Variants in IFT88 observed in about 807,000 individuals in gnomAD.
The protein encoded by IFT88 is intraflagellar transport 88.
A neutral mutation model predicts 119.5 loss-of-function variants in IFT88; 74 were observed. The ratio of observed to expected loss-of-function variants is 0.62; its 90% confidence interval spans 0.51 to 0.75. The LOEUF (loss-of-function observed/expected upper bound fraction) is 0.75, where lower values mean the gene tolerates loss of function less well. Among genes scored for constraint, IFT88 ranks in the 30% least tolerant of loss-of-function variants. The pLI is 0.00. For missense variants in IFT88, 961 were observed against 977.7 expected (o/e 0.98, Z 0.23); for synonymous variants, 279 against 316.7 (o/e 0.88, Z 1.26).
intron 18 of IFT88, chr13:20,642,474 GGC>G: frequency 6.6e-6 from 1 of 152,122 alleles, no homozygotes; most frequent in Non-Finnish European, 1.5e-5. Context: ...TGTTGTGGCA[GGC>G]ACCTGTAATC....
chr13:20,670,942 T>C lies in IFT88; in HGVS notation c.2176-31T>C, dbSNP rs751755172. On this transcript the variant is annotated intron_variant, in intron 23 of 25. Transcript: ENST00000351808. ...TTCAACTTTGAAGGAATAGCACTTA[T>C]TCTTTTAAACTTGTCTTCTCTTTGC... is the stretch of plus-strand genomic sequence containing the variant. 5.0e-6 allele frequency: 8 copies of C among 1,597,984 alleles called. No individual in the cohort carries two copies. The Admixed American group carries it at 5.1e-5, about 10-fold the overall frequency.
At chr13:20,675,626 G>A (rs1594857505) in intron 24 of IFT88, among the ~76,000 whole-genome samples, 2 of 152,144 alleles carry the variant, frequency 1.3e-5, no homozygotes, top group South Asian at 4.1e-4. Flanking sequence ...AATAGTTTAG[G>A]CTTGCAGGCC....
chr13:20,640,278 T>A (rs1409901083), intron 17 of IFT88, among the ~76,000 whole-genome samples: 1 of 151,724 alleles, frequency 6.6e-6, no homozygotes. Flanking sequence ...AATCTACATT[T>A]AAAAAAATTA....
At chr13:20,571,268 A>G (rs960021587) in intron 1 of IFT88, among the ~76,000 whole-genome samples, 2 of 152,234 alleles carry the variant, frequency 1.3e-5, no homozygotes, top group Admixed American at 6.5e-5. Context: ...TGCTGGGATT[A>G]TAGGCGTGAG....
chr13:20,619,480 G>A (rs934079530), intron 14 of IFT88, among the ~76,000 whole-genome samples: 4 of 152,124 alleles, frequency 2.6e-5, no homozygotes, highest in East Asian at 3.9e-4. Context: ...GAATCATACC[G>A]TACATATTCT....
chr13:20,567,325 T>G (rs1260156311), intron 1 of IFT88, 69 bp downstream of exon 1: 2 of 152,390 alleles, frequency 1.3e-5, no homozygotes, highest in East Asian at 3.9e-4. Context: ...GCGTCCTGTG[T>G]GGCGCATCCC....
At chr13:20,611,644 G>T (rs2044559247) in intron 13 of IFT88, among the ~76,000 whole-genome samples, 2 of 151,296 alleles carry the variant, frequency 1.3e-5, no homozygotes, top group Non-Finnish European at 2.9e-5. Flanking sequence ...TTGCTCTGTT[G>T]CCCAGGCTGG....
At chr13:20,639,833 G>C (rs1343638005) in intron 17 of IFT88, among the ~76,000 whole-genome samples, 2 of 130,112 alleles carry the variant, frequency 1.5e-5, no homozygotes, top group East Asian at 5.3e-4. Context: ...CTGTCGTCTA[G>C]GCTGGTGTGC....
intron 6 of IFT88, 142 bp downstream of exon 6, chr13:20,591,823 A>G (rs1436905004): frequency 5.2e-6 from 3 of 582,414 alleles, no homozygotes; most frequent in Admixed American, 6.6e-5. Flanking sequence ...AGGTACCATT[A>G]AGAAAGGAAA....
At chr13:20,644,181 A>G (rs2050386130) in intron 19 of IFT88, among the ~76,000 whole-genome samples, 1 of 152,188 alleles carries the variant, frequency 6.6e-6, no homozygotes, top group Admixed American at 6.5e-5. Flanking sequence ...AGCCTAGGCA[A>G]CATAACAAGA....
At chr13:20,683,099 G>A (rs954318492) in intron 24 of IFT88, among the ~76,000 whole-genome samples, 4 of 152,266 alleles carry the variant, frequency 2.6e-5, no homozygotes, top group East Asian at 1.9e-4. Flanking sequence ...AAAGACTGGA[G>A]AATTCCAGGG....
intron 15 of IFT88, among the ~76,000 whole-genome samples, chr13:20,628,244 G>T (rs1388914924): frequency 6.6e-6 from 1 of 151,898 alleles, no homozygotes; most frequent in Non-Finnish European, 1.5e-5. Context: ...ACAGAGTATG[G>T]GTCTTTTTGA....
intron 14 of IFT88, among the ~76,000 whole-genome samples, chr13:20,625,011 ATGT>A: frequency 6.6e-6 from 1 of 152,152 alleles, no homozygotes; most frequent in Non-Finnish European, 1.5e-5. Flanking sequence ...TCTAACTGAA[ATGT>A]TGTGTTCTTT....
At chr13:20,599,912 T>TA (rs1397025199) in intron 11 of IFT88, among the ~76,000 whole-genome samples, 12 of 151,708 alleles carry the variant, frequency 7.9e-5, no homozygotes, top group Admixed American at 5.2e-4. Context: ...AAGCTCCCCT[T>TA]ACGTTCTTGC....
Position 20,653,043 on chromosome 13 carries a change from A to C in IFT88, c.1950-833A>C, listed in dbSNP as rs76813616. 6.8e-3 allele frequency among the ~76,000 whole-genome samples: 1,033 copies of C among 152,342 alleles called. 15 individuals are homozygous for C. The highest frequency in any genetic ancestry group is 0.023 in the African/African-American group (937 of 41,582). ...TAAACTGGGTTAGAATCTTGGATTT[A>C]GCATGTAGGTGGAAGGGAGGTAACA... On this transcript the variant is annotated intron_variant, in intron 20 of 25. Transcript: ENST00000351808.
chr13:20,653,230 A>G (rs1015749453), intron 20 of IFT88, among the ~76,000 whole-genome samples: 1 of 152,206 alleles, frequency 6.6e-6, no homozygotes, highest in African/African-American at 2.4e-5. Flanking sequence ...TTGCCATCAA[A>G]TCGAGTAGGA....
chr13:20,575,373 G>A (rs1282567812), intron 2 of IFT88, among the ~76,000 whole-genome samples: 2 of 152,110 alleles, frequency 1.3e-5, no homozygotes, highest in African/African-American at 2.4e-5. Context: ...CACTTAGGTT[G>A]CTTCCAAATC....
intron 16 of IFT88, among the ~76,000 whole-genome samples, chr13:20,633,305 C>G (rs1423043364): frequency 6.6e-6 from 1 of 152,074 alleles, no homozygotes; most frequent in Admixed American, 6.6e-5. Flanking sequence ...AAGCAAGCAC[C>G]TTCTTCACAA....
intron 17 of IFT88, among the ~76,000 whole-genome samples, chr13:20,639,261 A>G (rs1439973420): frequency 6.6e-6 from 1 of 152,088 alleles, no homozygotes; most frequent in Non-Finnish European, 1.5e-5. Context: ...TAGATGTCTA[A>G]TGATTTTGGG....
Sources: allele counts gnomAD v4.1 joint callset (sites outside exome capture counted in the v4.1 genomes callset), GRCh38; gene constraint gnomAD v4.1.1; transcripts MANE v1.5; gene names NCBI Gene and HGNC (gene_info 2026-07-23, HGNC 2026-07-21).